The following ZFHX4 variants were observed in gnomAD, a reference collection of about 807,000 sequenced individuals.
ZFHX4 encodes the protein zinc finger homeobox protein 4.
In ZFHX4, 56 loss-of-function variants were observed where a neutral mutation model predicts 267.6. The ratio of observed to expected loss-of-function variants is 0.21; its 90% confidence interval spans 0.17 to 0.26. The LOEUF is 0.26. Among genes scored for constraint, ZFHX4 ranks in the 10% least tolerant of loss-of-function variants. The probability of loss-of-function intolerance (pLI) is 1.00; values close to 1 mark genes in which losing one functional copy is unlikely to be tolerated. For missense variants in ZFHX4, 4,332 were observed against 4,420.0 expected (o/e 0.98, Z 0.56); for synonymous variants, 1,778 against 1,665.6 (o/e 1.07, Z -1.64).
In ZFHX4 at chr8:76,734,420, C is replaced by T. The variant is rs78006450; in HGVS notation, c.3093+26372C>T. ...GCATTCTTTATTCTAATACAGTACA[C>T]GGAAAATTTTACTCTGTAAACCTGG... On this transcript the variant is annotated intron_variant, in intron 3 of 10. Coordinates refer to ENST00000651372, the MANE Select transcript of ZFHX4 (RefSeq NM_024721.5). 6.7e-3 allele frequency among the ~76,000 whole-genome samples: 1,023 copies of T among 152,238 alleles called. 14 individuals carry two copies. Among genetic ancestry groups the T allele is most frequent in the African/African-American group, 0.023 (944 of 41,542 alleles).
chr8:76,840,260 T>G (rs993290798), intron 5 of ZFHX4, among the ~76,000 whole-genome samples: 1 of 152,168 alleles, frequency 6.6e-6, no homozygotes, highest in Non-Finnish European at 1.5e-5. Context: ...GGTTATGAGT[T>G]GTGGCTTGGA....
At chr8:76,818,352 TAA>T (rs1006105984) in intron 4 of ZFHX4, among the ~76,000 whole-genome samples, 1 of 152,172 alleles carries the variant, frequency 6.6e-6, no homozygotes, top group Non-Finnish European at 1.5e-5. Flanking sequence ...GAAACTATAC[TAA>T]AAGACTATTA....
Position 76,866,354 on chromosome 8 carries a change from A to G in ZFHX4, c.*1789A>G, listed in dbSNP as rs1411034236. ...TGTTTTAATGATCAAATCAAGACAC[A>G]TTTCATTTTACATTTTATTATTGTA... On this transcript the variant is annotated 3_prime_UTR_variant, in exon 11 of 11. Coordinates refer to ENST00000651372, the MANE Select transcript of ZFHX4 (RefSeq NM_024721.5). 1 of 152,476 alleles carries G rather than the reference A, an allele frequency of 6.6e-6. No individual in the cohort carries two copies. Among genetic ancestry groups the G allele is most frequent in the African/African-American group, 2.4e-5 (1 of 41,410 alleles). 9.4% of individuals were successfully genotyped at this position (152,476 alleles called of 1,614,324 possible). A position where few individuals can be genotyped will look rare whatever the true frequency, so the allele number is the denominator to read the frequency against.
intron 4 of ZFHX4, among the ~76,000 whole-genome samples, chr8:76,786,338 A>G (rs2131795171): frequency 6.6e-6 from 1 of 150,928 alleles, no homozygotes; most frequent in Non-Finnish European, 1.5e-5. Flanking sequence ...ATCTGGGAAA[A>G]CTACTAACAA....
chr8:76,760,941 A>AG (rs1316026246), intron 3 of ZFHX4, among the ~76,000 whole-genome samples: 78 of 150,836 alleles, frequency 5.2e-4, no homozygotes, highest in African/African-American at 1.8e-3. Flanking sequence ...AAAAAAAAAA[A>AG]AAAAAAAAAG....
intron 4 of ZFHX4, among the ~76,000 whole-genome samples, chr8:76,827,198 T>C (rs1258449586): frequency 6.6e-6 from 1 of 152,182 alleles, no homozygotes; most frequent in Non-Finnish European, 1.5e-5. Flanking sequence ...CCACCTCAGA[T>C]CATCAGGCAT....
intron 3 of ZFHX4, 72 bp from the exon 4 acceptor site, chr8:76,778,136 G>A (rs1365931813): frequency 1.0e-6 from 1 of 960,148 alleles, no homozygotes; most frequent in Non-Finnish European, 1.7e-6. Flanking sequence ...CATGCCATGG[G>A]TGGGTGTCAC....
chr8:76,818,750 C>G (rs1354476882), intron 4 of ZFHX4, among the ~76,000 whole-genome samples: 1 of 151,796 alleles, frequency 6.6e-6, no homozygotes, highest in Non-Finnish European at 1.5e-5. Flanking sequence ...GACCTTGTCT[C>G]TACTAAAAAT....
chr8:76,707,875 G>C lies in ZFHX4; in HGVS notation c.2920G>C (p.Val974Leu). 6.2e-7 allele frequency: 1 copy of C among 1,614,014 alleles called. No homozygotes were observed. Among genetic ancestry groups the C allele is most frequent in the South Asian group, 1.1e-5 (1 of 91,084 alleles). ...TDKHMQKYQL[V>L]AHIKEGGKSN... is the part of the protein sequence containing the mutation. ...TAAACATATGCAGAAATATCAACTG[G>C]TGGCTCACATTAAAGAAGGGGGCAA... is the stretch of plus-strand genomic sequence containing the variant. Residue 974 changes from valine to leucine, a missense_variant, in exon 3 of 11, where the codon GTG becomes CTG. By Grantham distance (32) the Val-to-Leu change is conservative (BLOSUM62 1). Coordinates refer to ENST00000651372, the MANE Select transcript of ZFHX4 (RefSeq NM_024721.5).
At chr8:76,752,298 G>GT (rs1809633578) in intron 3 of ZFHX4, among the ~76,000 whole-genome samples, 3 of 151,242 alleles carry the variant, frequency 2.0e-5, no homozygotes, top group Admixed American at 6.6e-5. Context: ...TCTAAAGTAT[G>GT]TTTTTTAAAA....
chr8:76,686,366 A>T (rs991750997), intron 1 of ZFHX4, among the ~76,000 whole-genome samples: 8 of 152,226 alleles, frequency 5.3e-5, no homozygotes, highest in Admixed American at 4.6e-4. Flanking sequence ...TGACATTAAA[A>T]TAATATATGA....
chr8:76,766,715 A>C (rs933166344), intron 3 of ZFHX4, among the ~76,000 whole-genome samples: 4 of 152,018 alleles, frequency 2.6e-5, no homozygotes, highest in Non-Finnish European at 4.4e-5. Context: ...GTAAAATAAT[A>C]CACAGGAGAA....
At chr8:76,713,928 T>TACC (rs1161055683) in intron 3 of ZFHX4, among the ~76,000 whole-genome samples, 5 of 151,614 alleles carry the variant, frequency 3.3e-5, no homozygotes, top group East Asian at 1.9e-4. Flanking sequence ...CACCGCCACG[T>TACC]ACCACCACCA....
chr8:76,779,017 A>T (rs1810478568), intron 4 of ZFHX4, among the ~76,000 whole-genome samples: 1 of 152,186 alleles, frequency 6.6e-6, no homozygotes. Flanking sequence ...TTTGAATGGC[A>T]TTCCAAAACT....
intron 3 of ZFHX4, among the ~76,000 whole-genome samples, chr8:76,729,002 G>A (rs1230758422): frequency 6.6e-6 from 1 of 152,084 alleles, no homozygotes; most frequent in African/African-American, 2.4e-5. Flanking sequence ...AATATTTCAA[G>A]GTCAAAGATA....
At chr8:76,773,503 T>G (rs764100504) in intron 3 of ZFHX4, among the ~76,000 whole-genome samples, 1 of 152,172 alleles carries the variant, frequency 6.6e-6, no homozygotes, top group Non-Finnish European at 1.5e-5. Context: ...TTCTAGCGCT[T>G]TGACAGGTGG....
chr8:76,825,310 T>C (rs1811756026), intron 4 of ZFHX4, among the ~76,000 whole-genome samples: 1 of 152,216 alleles, frequency 6.6e-6, no homozygotes, highest in South Asian at 2.1e-4. Flanking sequence ...CACTTTCACA[T>C]ATAGAATCCT....
Position 76,705,330 on chromosome 8 carries a change from A to G in ZFHX4, c.1242A>G (p.Leu414=), listed in dbSNP as rs903893020. The G allele has an allele frequency of 1.9e-6, 3 of 1,614,002 alleles. No homozygotes were observed. In the African/African-American group the frequency reaches 4.0e-5, roughly 22 times the overall value. ...TGAATCTGGGGGGGCTGTCTAGTTT[A>G]GTAGTGAACACCCCAATTACCTCTG... ...AEVNLGGLSS[L]VVNTPITSVS... The change falls in exon 2 of 11, where the codon TTA becomes TTG. Residue 414 remains leucine (L), a synonymous_variant. Coordinates refer to ENST00000651372, the MANE Select transcript of ZFHX4 (RefSeq NM_024721.5).
Position 76,705,163 on chromosome 8 carries a change from A to C in ZFHX4, c.1075A>C (p.Thr359Pro), listed in dbSNP as rs753750852. Reference sequence around the variant, plus strand: ...TACAAACCTCATAGGACCCGATCCAACCTTCCGCGGTTTATGGAGCGCTTT... The same window carrying C: ...TACAAACCTCATAGGACCCGATCCACCCTTCCGCGGTTTATGGAGCGCTTT... ...STTNLIGPDP[T>P]FRGLWSAFHV... Residue 359 changes from threonine (T) to proline (P), a missense_variant, in exon 2 of 11, where the codon ACC becomes CCC. By Grantham distance (38) the Thr-to-Pro change is conservative. Transcript: ENST00000651372. The C allele has an allele frequency of 6.2e-7, 1 of 1,613,890 alleles. No homozygotes were observed. Among genetic ancestry groups the C allele is most frequent in the South Asian group, 1.1e-5 (1 of 91,082 alleles).
Sources: gnomAD v4.1 joint callset for allele counts (sites outside exome capture counted in the v4.1 genomes callset) on GRCh38, gnomAD v4.1.1 for gene constraint, MANE v1.5 for transcripts, NCBI Gene and HGNC (gene_info 2026-07-23, HGNC 2026-07-21) for gene names.